WDR45B: variants seen among roughly 807,000 people sequenced by gnomAD.
The protein encoded by WDR45B is WD repeat domain 45B.
A neutral mutation model predicts 44.6 loss-of-function variants in WDR45B; 20 were observed. The ratio of observed to expected loss-of-function variants is 0.45; its 90% CI spans 0.32 to 0.65. WDR45B has a LOEUF of 0.65. Ranked by LOEUF, WDR45B falls within the 30% of genes least tolerant of loss-of-function variation. WDR45B has a pLI of 0.05. For missense variants in WDR45B, 323 were observed against 430.2 expected, an observed-to-expected ratio of 0.75 and a Z score of 2.20; for synonymous variants, 169 against 164.9, an observed-to-expected ratio of 1.02 and a Z score of -0.19.
intron 5 of WDR45B, among the ~76,000 whole-genome samples, chr17:82,622,569 A>G (rs961170581): frequency 4.6e-5 from 7 of 152,106 alleles, no homozygotes; most frequent in Admixed American, 2.0e-4. Context: ...AGTAGCTGGG[A>G]CTACAGCCAC....
At chr17:82,640,494 G>T (rs747962969) in intron 2 of WDR45B, among the ~76,000 whole-genome samples, 1 of 151,942 alleles carries the variant, frequency 6.6e-6, no homozygotes, top group Non-Finnish European at 1.5e-5. Flanking sequence ...GGGATTAAAG[G>T]CACGCACCAC....
At chr17:82,643,360 G>A (rs1422810144) in intron 2 of WDR45B, among the ~76,000 whole-genome samples, 3 of 152,094 alleles carry the variant, frequency 2.0e-5, no homozygotes, top group Non-Finnish European at 4.4e-5. Context: ...TTGAACCCGG[G>A]AGGCGGAGGT....
intron 2 of WDR45B, among the ~76,000 whole-genome samples, chr17:82,635,267 G>T (rs1598273917): frequency 6.6e-6 from 1 of 151,772 alleles, no homozygotes; most frequent in East Asian, 1.9e-4. Flanking sequence ...GTAAGTTTTA[G>T]AAACACATCT....
At position 82,618,941 on chromosome 17, in the gene WDR45B, G is replaced by C. The variant is rs144713219; in HGVS notation, c.704+102C>G. The C allele has an allele frequency of 4.8e-6, 5 of 1,045,914 alleles. No individual in the cohort carries two copies. In the Admixed American group the frequency reaches 8.8e-5, roughly 18 times the overall value. The allele number at this position is 1,045,914 out of a possible 1,614,324, so 64.8% of individuals were successfully genotyped here. A position where few individuals can be genotyped will look rare whatever the true frequency, so the allele number is the denominator to read the frequency against. On this transcript the variant is annotated intron_variant, in intron 7 of 9. Coordinates refer to ENST00000392325, the MANE Select transcript of WDR45B (RefSeq NM_019613.4). ...GCTTCTCCCTCCTCTGGCCTTATTC[G>C]GGGGAGGGTGGCTGCTCCTACCCCC... is the stretch of plus-strand genomic sequence containing the variant.
chr17:82,623,080 C>A (rs2045640601), intron 5 of WDR45B, among the ~76,000 whole-genome samples: 1 of 152,106 alleles, frequency 6.6e-6, no homozygotes, highest in Non-Finnish European at 1.5e-5. Context: ...AGGGAAAAGG[C>A]TAAATCTACA....
chr17:82,643,622 G>C (rs78165269), intron 2 of WDR45B, among the ~76,000 whole-genome samples: 35,495 of 151,986 alleles, frequency 0.23, 5,181 homozygotes, highest in Admixed American at 0.31. Context: ...TACATCCCAG[G>C]GTTACAGGTA....
At chr17:82,641,873 G>C (rs2045920849) in intron 2 of WDR45B, among the ~76,000 whole-genome samples, 1 of 151,962 alleles carries the variant, frequency 6.6e-6, no homozygotes, top group African/African-American at 2.4e-5. Flanking sequence ...ACTCCAGCCT[G>C]GGCAACAGAG....
At chr17:82,644,561 G>T in intron 1 of WDR45B, 1 of 180,642 alleles carries the variant, frequency 5.5e-6, no homozygotes, top group Non-Finnish European at 1.2e-5. Context: ...GAGTTACCCA[G>T]GTCACTCATC....
At chr17:82,630,861 T>G (rs2045758033) in intron 3 of WDR45B, 60 bp downstream of exon 3, 1 of 1,489,616 alleles carries the variant, frequency 6.7e-7, no homozygotes, top group Non-Finnish European at 9.3e-7. Context: ...CATAAACGCA[T>G]TCAAAAAAAG....
At chr17:82,625,007 G>A (rs1226594700) in intron 5 of WDR45B, among the ~76,000 whole-genome samples, 5 of 152,170 alleles carry the variant, frequency 3.3e-5, no homozygotes, top group Admixed American at 3.3e-4. Flanking sequence ...AAGATATGAA[G>A]ATGGTACAAT....
intron 6 of WDR45B, among the ~76,000 whole-genome samples, chr17:82,620,576 G>A (rs1277961240): frequency 6.6e-6 from 1 of 152,250 alleles, no homozygotes; most frequent in African/African-American, 2.4e-5. Context: ...CCGCGTGAAA[G>A]GGTAGGAGCA....
chr17:82,625,571 G>A (rs936798501), intron 4 of WDR45B, 88 bp from the exon 5 acceptor site: 1 of 1,224,986 alleles, frequency 8.2e-7, no homozygotes, highest in Non-Finnish European at 1.2e-6. Flanking sequence ...CTGAAACTGA[G>A]AAACACTGAA....
chr17:82,615,744 C>G lies in WDR45B; in HGVS notation c.*175G>C, dbSNP rs879040768. On this transcript the variant is annotated 3_prime_UTR_variant, in exon 10 of 10. Transcript: ENST00000392325. Reference sequence around the variant, plus strand: ...TACGGTGCCTTGATGATGATTCTCTCTTTAATACTGGAAATGGGAGTCCTT... The same window carrying G: ...TACGGTGCCTTGATGATGATTCTCTGTTTAATACTGGAAATGGGAGTCCTT... 4.4e-5 allele frequency: 29 copies of G among 655,982 alleles called. No individual in the cohort carries two copies. Among genetic ancestry groups the G allele is most frequent in the Non-Finnish European group, 6.0e-5 (22 of 367,664 alleles). The allele number at this position is 655,982 out of a possible 1,614,324, so 40.6% of individuals were successfully genotyped here.
At chr17:82,619,276 C>CTGTG in intron 6 of WDR45B, 148 bp from the exon 7 acceptor site, 1 of 783,322 alleles carries the variant, frequency 1.3e-6, no homozygotes, top group Non-Finnish European at 2.2e-6. Flanking sequence ...TCTCCTCCAA[C>CTGTG]TGCCAGCACA....
At chr17:82,636,051 C>T (rs1487902249) in intron 2 of WDR45B, among the ~76,000 whole-genome samples, 3 of 151,918 alleles carry the variant, frequency 2.0e-5, no homozygotes, top group Non-Finnish European at 1.5e-5. Flanking sequence ...CGCGTCACTG[C>T]ACTCTAGCCT....
intron 7 of WDR45B, 34 bp from the exon 8 acceptor site, chr17:82,617,431 G>A (rs375481899): frequency 3.8e-5 from 61 of 1,605,920 alleles, no homozygotes; most frequent in East Asian, 3.6e-4. Flanking sequence ...CAGGCCTTGT[G>A]TGGATGTGGA....
chr17:82,636,537 G>C lies in WDR45B; in HGVS notation c.143-5515C>G, dbSNP rs146604666. On this transcript the variant is annotated intron_variant, in intron 2 of 9. Coordinates refer to ENST00000392325, the MANE Select transcript of WDR45B (RefSeq NM_019613.4). ...CTCCTGCAGCTGAAGAGGGGGAAAG[G>C]GTCTCCCCACAGAAAGACCAGGGTT... is the stretch of plus-strand genomic sequence containing the variant. The C allele has an allele frequency of 1.9e-3, 282 of 151,930 alleles. 5 individuals are homozygous for C. Among genetic ancestry groups the C allele is most frequent in the African/African-American group, 6.3e-3 (262 of 41,300 alleles). The allele number at this position is 151,930 out of a possible 1,614,324, so 9.4% of individuals were successfully genotyped here.
At chr17:82,643,454 T>G (rs369419252) in intron 2 of WDR45B, among the ~76,000 whole-genome samples, 3 of 137,904 alleles carry the variant, frequency 2.2e-5, no homozygotes, top group Non-Finnish European at 4.5e-5. Flanking sequence ...AAAAAAAAAA[T>G]AGAGGCCCAA....
At chr17:82,647,998 G>A (rs1391826618) in intron 1 of WDR45B, among the ~76,000 whole-genome samples, 1 of 135,810 alleles carries the variant, frequency 7.4e-6, no homozygotes, top group African/African-American at 2.7e-5. Context: ...ACCTCGGCCC[G>A]GGACGGCCGG....
Sources: allele counts gnomAD v4.1 joint callset (sites outside exome capture counted in the v4.1 genomes callset), GRCh38; gene constraint gnomAD v4.1.1; transcripts MANE v1.5; gene names NCBI Gene and HGNC (gene_info 2026-07-23, HGNC 2026-07-21).